GSTA2: variants seen among roughly 807,000 people sequenced by gnomAD.
GSTA2 encodes the protein glutathione S-transferase A2.
A neutral mutation model predicts 22.4 loss-of-function variants in GSTA2; 27 were observed. That is an observed-to-expected ratio of 1.21 (90% CI 0.89 to 1.67). The LOEUF is 1.67. GSTA2 is among the 40% of genes most tolerant of loss of function. GSTA2 has a pLI of 0.00. For synonymous variants in GSTA2, 121 were observed against 86.8 expected (o/e 1.39, Z -2.19); for missense variants, 302 against 260.2 (o/e 1.16, Z -1.11).
chr6:52,754,447 T>C (rs963542734), intron 4 of GSTA2, among the ~76,000 whole-genome samples: 9 of 152,202 alleles, frequency 5.9e-5, no homozygotes, highest in African/African-American at 2.2e-4. Context: ...TGCCAGCCTC[T>C]ACTAGCCCTG....
Position 52,758,114 on chromosome 6 carries a change from C to T in GSTA2, c.-30-137G>A, listed in dbSNP as rs142226366. On this transcript the variant is annotated intron_variant, in intron 1 of 6. Transcript: ENST00000493422. ...TTCATGACGGTGTTGGAGGAGTTCCCGGAATGTTTTCTTGGCTCAAATTAT... is the reference window on the plus strand; with the variant it reads ...TTCATGACGGTGTTGGAGGAGTTCCTGGAATGTTTTCTTGGCTCAAATTAT... 104 of 587,418 alleles carry T rather than the reference C, an allele frequency of 1.8e-4. No individual in the cohort carries two copies. The Middle Eastern group carries it at 2.8e-3, about 16-fold the overall frequency. The allele number at this position is 587,418 out of a possible 1,614,324, so 36.4% of individuals were successfully genotyped here.
At chr6:52,757,606 T>C (rs1197366344) in intron 2 of GSTA2, among the ~76,000 whole-genome samples, 1 of 152,196 alleles carries the variant, frequency 6.6e-6, no homozygotes, top group East Asian at 1.9e-4. Context: ...TTTTTTACAG[T>C]TTGTTTAAAT....
intron 1 of GSTA2, among the ~76,000 whole-genome samples, chr6:52,762,064 T>C (rs903861335): frequency 3.9e-5 from 6 of 152,166 alleles, no homozygotes; most frequent in Non-Finnish European, 7.3e-5. Flanking sequence ...GAAGGCAGTA[T>C]GCTTGTTAAA....
chr6:52,755,564 C>G (rs1298499357), intron 3 of GSTA2, among the ~76,000 whole-genome samples: 1 of 152,078 alleles, frequency 6.6e-6, no homozygotes, highest in Non-Finnish European at 1.5e-5. Flanking sequence ...TAAGAAGTTT[C>G]CTTTTAGTTT....
chr6:52,759,165 G>T (rs1462572291), intron 1 of GSTA2, among the ~76,000 whole-genome samples: 1 of 152,190 alleles, frequency 6.6e-6, no homozygotes, highest in African/African-American at 2.4e-5. Context: ...TGTTTCATGA[G>T]TTGTTAGTTT....
chr6:52,758,857 A>T (rs1762898518), intron 1 of GSTA2, among the ~76,000 whole-genome samples: 1 of 152,202 alleles, frequency 6.6e-6, no homozygotes, highest in African/African-American at 2.4e-5. Context: ...TCATTCTTCT[A>T]AACTTCTCTT....
chr6:52,758,720 T>C (rs1297222131), intron 1 of GSTA2, among the ~76,000 whole-genome samples: 2 of 152,252 alleles, frequency 1.3e-5, no homozygotes, highest in African/African-American at 4.8e-5. Flanking sequence ...CCCTTGCTTC[T>C]TTTGGAATTC....
At chr6:52,753,087 G>T in intron 4 of GSTA2, 92 bp from the exon 5 acceptor site, 1 of 1,270,758 alleles carries the variant, frequency 7.9e-7, no homozygotes, top group Non-Finnish European at 1.1e-6. Flanking sequence ...ATCAGGTGAT[G>T]GCAAAATAAT....
chr6:52,754,839 G>A lies in GSTA2; in HGVS notation c.272+104C>T, dbSNP rs1309572695. The A allele has an allele frequency of 4.0e-6, 6 of 1,498,740 alleles. No individual in the cohort carries two copies. The Admixed American group carries it at 8.9e-5, about 22-fold the overall frequency. 92.8% of individuals were successfully genotyped at this position (1,498,740 alleles called of 1,614,324 possible). On this transcript the variant is annotated intron_variant, in intron 4 of 6. Coordinates refer to ENST00000493422, the MANE Select transcript of GSTA2 (RefSeq NM_000846.5). Reference sequence around the variant, plus strand: ...CCTCAGCGTGCATGCCCAAGGCCCAGCCTGCTGCTGGTCTTGATACCCTGC... The same window carrying A: ...CCTCAGCGTGCATGCCCAAGGCCCAACCTGCTGCTGGTCTTGATACCCTGC...
Position 52,750,496 on chromosome 6 carries a change from C to G in GSTA2, c.*81G>C. On this transcript the variant is annotated 3_prime_UTR_variant, in exon 7 of 7. Transcript: ENST00000493422. ...TCATTAGCTTCACAACAGGCACAAT[C>G]AACACTTAGGTAAAGCACTTAATTG... 1 of 1,364,528 alleles carries G rather than the reference C, an allele frequency of 7.3e-7. No individual in the cohort carries two copies. Among genetic ancestry groups the G allele is most frequent in the Non-Finnish European group, 1.0e-6 (1 of 972,676 alleles). 84.5% of individuals were successfully genotyped at this position (1,364,528 alleles called of 1,614,324 possible).
chr6:52,753,028 T>A, intron 4 of GSTA2, 33 bp from the exon 5 acceptor site: 2 of 1,565,560 alleles, frequency 1.3e-6, no homozygotes, highest in Non-Finnish European at 1.7e-6. Context: ...TGGTCAAATA[T>A]CTTTTGCCTT....
chr6:52,760,905 T>A (rs1762940057), intron 1 of GSTA2, among the ~76,000 whole-genome samples: 1 of 152,128 alleles, frequency 6.6e-6, no homozygotes, highest in Non-Finnish European at 1.5e-5. Context: ...TTAATTTACA[T>A]CAATTAAAAA....
chr6:52,761,804 A>G (rs1185752624), intron 1 of GSTA2, among the ~76,000 whole-genome samples: 1 of 150,616 alleles, frequency 6.6e-6, no homozygotes, highest in Non-Finnish European at 1.5e-5. Context: ...GGGGGCTACA[A>G]ATCAGATAGG....
At chr6:52,758,629 T>C (rs191795478) in intron 1 of GSTA2, among the ~76,000 whole-genome samples, 1 of 152,318 alleles carries the variant, frequency 6.6e-6, no homozygotes, top group African/African-American at 2.4e-5. Flanking sequence ...CTGCATTTGA[T>C]CAAAACCAGA....
In GSTA2 at chr6:52,750,232, T is replaced by A. The variant is rs963438911; in HGVS notation, c.*345A>T. On this transcript the variant is annotated 3_prime_UTR_variant, in exon 7 of 7. Transcript: ENST00000493422. ...AAAATGTCAGAGGTGCATTTTTACA[T>A]TGGCATTTTAATAGATTGTATGACA... 1 of 191,484 alleles carries A rather than the reference T, an allele frequency of 5.2e-6. No homozygotes were observed. Among genetic ancestry groups the A allele is most frequent in the Non-Finnish European group, 1.1e-5 (1 of 92,538 alleles). 11.9% of individuals were successfully genotyped at this position (191,484 alleles called of 1,614,324 possible). A position where few individuals can be genotyped will look rare whatever the true frequency, so the allele number is the denominator to read the frequency against.
At chr6:52,754,834 G>A in intron 4 of GSTA2, 109 bp downstream of exon 4, 1 of 1,462,920 alleles carries the variant, frequency 6.8e-7, no homozygotes, top group Non-Finnish European at 9.4e-7. Flanking sequence ...CATGCCCAAG[G>A]CCCAGCCTGC....
intron 5 of GSTA2, among the ~76,000 whole-genome samples, chr6:52,752,307 G>A (rs149011018): frequency 1.3e-5 from 2 of 152,280 alleles, no homozygotes; most frequent in African/African-American, 2.4e-5. Flanking sequence ...AAGCTGAAGC[G>A]TTTAGGAGTG....
chr6:52,754,767 C>G (rs1271659022), intron 4 of GSTA2, among the ~76,000 whole-genome samples, 176 bp downstream of exon 4: 1 of 152,104 alleles, frequency 6.6e-6, no homozygotes, highest in Non-Finnish European at 1.5e-5. Flanking sequence ...CTGAACCCTC[C>G]CCATGTTCAC....
In GSTA2 at chr6:52,759,563, G is replaced by GTT. The variant is rs70977382; in HGVS notation, c.-30-1588_-30-1587dup. On this transcript the variant is annotated intron_variant, in intron 1 of 6. Transcript: ENST00000493422. ...CCTTTAACAACTAATGTATTTATTT[G>GTT]TTTTTTTTTTTTTTTTTTTTTTTTT... Among the ~76,000 whole-genome samples the GTT allele has an allele frequency of 9.7e-4, 33 of 34,190 alleles. 11 individuals are homozygous for GTT. The highest frequency in any genetic ancestry group is 1.6e-3 in the African/African-American group (18 of 11,554). The allele number at this position is 34,190 out of a possible 152,430, so 22.4% of individuals were successfully genotyped here. A position where few individuals can be genotyped will look rare whatever the true frequency, so the allele number is the denominator to read the frequency against.
Sources: gnomAD v4.1 joint callset for allele counts (sites outside exome capture counted in the v4.1 genomes callset) on GRCh38, gnomAD v4.1.1 for gene constraint, MANE v1.5 for transcripts, NCBI Gene and HGNC (gene_info 2026-07-23, HGNC 2026-07-21) for gene names.